The following RTKN variants were observed in gnomAD, a reference collection of about 807,000 sequenced individuals.
RTKN encodes the protein rhotekin.
In RTKN, 49 loss-of-function variants were observed where a neutral mutation model predicts 63.5. The ratio of observed to expected loss-of-function variants is 0.77; its 90% CI spans 0.61 to 0.98. The LOEUF (loss-of-function observed/expected upper bound fraction) is 0.98. Among genes scored for constraint, RTKN ranks in the 50% least tolerant of loss-of-function variants. The pLI is 0.00. For synonymous variants in RTKN, 295 were observed against 290.4 expected, an observed-to-expected ratio of 1.02 and a Z score of -0.16; for missense variants, 685 against 740.8, an observed-to-expected ratio of 0.92 and a Z score of 0.87.
intron 1 of RTKN, chr2:74,439,472 G>A: frequency 2.7e-6 from 4 of 1,503,348 alleles, no homozygotes; most frequent in Non-Finnish European, 3.7e-6. Flanking sequence ...CCACCATGCT[G>A]TAGCAGGAAT....
chr2:74,428,439 C>T (rs749505708), intron 8 of RTKN, 43 bp from the exon 9 acceptor site: 35 of 1,613,814 alleles, frequency 2.2e-5, no homozygotes, highest in Non-Finnish European at 2.6e-5. Context: ...TCACGGCCCC[C>T]AGTATCCCTC....
intron 1 of RTKN, chr2:74,439,529 A>G (rs1223139513): frequency 6.2e-7 from 1 of 1,613,220 alleles, no homozygotes; most frequent in Admixed American, 1.7e-5. Flanking sequence ...GGAGGTGTGT[A>G]CTCCAAGGGT....
chr2:74,426,697 T>C lies in RTKN; in HGVS notation c.1361-123A>G, dbSNP rs570202152. ...AGCAAAGCCTGGATCTCAGTGGAGATTGCGTTATCCTGCAGGAGCAGCCCC... is the reference window on the plus strand; with the variant it reads ...AGCAAAGCCTGGATCTCAGTGGAGACTGCGTTATCCTGCAGGAGCAGCCCC... On this transcript the variant is annotated intron_variant, in intron 11 of 11. Coordinates refer to ENST00000272430, the MANE Select transcript of RTKN (RefSeq NM_001015055.2). 202 of 1,412,712 alleles carry C rather than the reference T, an allele frequency of 1.4e-4. 1 individual carries two copies. The African/African-American group carries it at 2.5e-3, about 18-fold the overall frequency. The allele number at this position is 1,412,712 out of a possible 1,614,324, so 87.5% of individuals were successfully genotyped here.
chr2:74,430,095 G>T (rs924944489), intron 5 of RTKN, 58 bp from the exon 6 acceptor site: 2 of 1,593,696 alleles, frequency 1.3e-6, no homozygotes, highest in African/African-American at 1.3e-5. Context: ...CAGAGGGTAG[G>T]GGATGTGGGT....
At chr2:74,428,142 G>A (rs1670519186) in intron 9 of RTKN, 126 bp downstream of exon 9, 2 of 1,229,738 alleles carry the variant, frequency 1.6e-6, no homozygotes, top group African/African-American at 1.5e-5. Flanking sequence ...GAAGCTGGAT[G>A]TGGCACTGTC....
At chr2:74,432,769 A>G (rs547916461) in intron 1 of RTKN, 103 bp from the exon 2 acceptor site, 3 of 929,662 alleles carry the variant, frequency 3.2e-6, no homozygotes, top group African/African-American at 3.3e-5. Context: ...AACTGACAAG[A>G]AACTAATGTT....
intron 1 of RTKN, among the ~76,000 whole-genome samples, chr2:74,437,337 C>T (rs1226117588): frequency 6.6e-6 from 1 of 152,208 alleles, no homozygotes; most frequent in Non-Finnish European, 1.5e-5. Flanking sequence ...ATTTACTCTT[C>T]CACGACTATC....
chr2:74,427,142 C>G (rs770605083), intron 11 of RTKN, 27 bp downstream of exon 11: 1 of 1,598,746 alleles, frequency 6.3e-7, no homozygotes, highest in South Asian at 1.1e-5. Flanking sequence ...CCATTAGCTT[C>G]CTGGAGTTCA....
intron 2 of RTKN, among the ~76,000 whole-genome samples, chr2:74,431,535 CACCTGTGTG>C (rs1302231382): frequency 2.0e-5 from 3 of 152,362 alleles, no homozygotes; most frequent in African/African-American, 7.2e-5. Flanking sequence ...TACCTCAAAT[CACCTGTGTG>C]GGCTGTGTGA....
chr2:74,435,821 G>A lies in RTKN; in HGVS notation c.112-3155C>T, dbSNP rs866896643. On this transcript the variant is annotated intron_variant, in intron 1 of 11. Transcript: ENST00000272430. Reference sequence around the variant, plus strand: ...TCCAGCCTTCAAGTCTCTCAGACCCGAACACCCTAAATTCCCTCTTCTAAA... The same window carrying A: ...TCCAGCCTTCAAGTCTCTCAGACCCAAACACCCTAAATTCCCTCTTCTAAA... 7.2e-5 allele frequency among the ~76,000 whole-genome samples: 11 copies of A among 152,228 alleles called. 1 individual carries two copies. The South Asian group carries it at 2.3e-3, about 32-fold the overall frequency.
At position 74,435,687 on chromosome 2, in the gene RTKN, C is replaced by G. The variant is rs552508685; in HGVS notation, c.112-3021G>C. On this transcript the variant is annotated intron_variant, in intron 1 of 11. Transcript: ENST00000272430. The stretch of plus-strand genomic sequence containing the variant: ...GTACAGATTGGTTCAGGAGACAAGT[C>G]GAGCCATCCATTTGAAACAGGGGAA... Among the ~76,000 whole-genome samples the G allele has an allele frequency of 4.6e-5, 7 of 152,264 alleles. No individual in the cohort carries two copies. In the South Asian group the frequency reaches 1.5e-3, roughly 32 times the overall value.
chr2:74,429,949 T>G lies in RTKN; in HGVS notation c.634A>C (p.Arg212=). ...GAGCTGCTGAGTTTGGTGGCAAGCC[T>G]CTTGGGGCCGCCAGTCAGGGCCCCC... The part of the protein sequence containing the change: ...EEGALTGGPK[R]LATKLSSSLG... The change falls in exon 6 of 12, where the codon AGG becomes CGG. Residue 212 remains arginine (R), a synonymous_variant. Transcript: ENST00000272430. 1 of 1,614,178 alleles carries G rather than the reference T, an allele frequency of 6.2e-7. No individual in the cohort carries two copies. Among genetic ancestry groups the G allele is most frequent in the Non-Finnish European group, 8.5e-7 (1 of 1,180,018 alleles).
chr2:74,439,410 G>T, intron 1 of RTKN: 1 of 862,598 alleles, frequency 1.2e-6, no homozygotes, highest in Non-Finnish European at 1.9e-6. Flanking sequence ...CCCAACACAA[G>T]GCATAGGGAA....
In RTKN at chr2:74,428,294, G is replaced by A. The variant is rs760646180; in HGVS notation, c.1060C>T (p.Pro354Ser). ...QPEDADTGEE[P>S]LLTIAVNKET... ...TTGTTGACAGCAATAGTAAGCAGCG[G>A]CTCTTCCCCAGTGTCTGCATCCTCA... Residue 354 changes from proline (P) to serine (S), a missense_variant, in exon 9 of 12, where the codon CCG (proline) becomes TCG (serine). Physicochemically the swap from Pro to Ser is moderately conservative, Grantham distance 74. Transcript: ENST00000272430. 1 of 1,614,158 alleles carries A rather than the reference G, an allele frequency of 6.2e-7. No homozygotes were observed. Among genetic ancestry groups the A allele is most frequent in the East Asian group, 2.2e-5 (1 of 44,876 alleles).
Position 74,426,586 on chromosome 2 carries a change from G to C in RTKN, c.1361-12C>G. 3 of 1,523,028 alleles carry C rather than the reference G, an allele frequency of 2.0e-6. No homozygotes were observed. Among genetic ancestry groups the C allele is most frequent in the South Asian group, 1.3e-5 (1 of 77,034 alleles). The allele number at this position is 1,523,028 out of a possible 1,614,324, so 94.3% of individuals were successfully genotyped here. The stretch of plus-strand genomic sequence containing the variant: ...CAGCGGCTCAATAGCTGTGGCACCA[G>C]GAAGGGGTTGGGGGAGGGTTGGGCT... On this transcript the variant is annotated splice_polypyrimidine_tract_variant and intron_variant, in intron 11 of 11. Transcript: ENST00000272430.
chr2:74,426,870 G>T, intron 11 of RTKN: 3 of 1,341,852 alleles, frequency 2.2e-6, no homozygotes, highest in East Asian at 2.9e-5. Context: ...GGCAAGTGAG[G>T]GGTCAGAAGA....
At position 74,441,872 on chromosome 2, in the gene RTKN, G is replaced by C; in HGVS notation, c.-56C>G. ...TGCGCTCCCCGCGCCGCCCGGCTTA[G>C]CCTCCTCTCCTCGGCTTCTGTCTCT... On this transcript the variant is annotated 5_prime_UTR_variant, in exon 1 of 12. Coordinates refer to ENST00000272430, the MANE Select transcript of RTKN (RefSeq NM_001015055.2). 2 of 1,089,298 alleles carry C rather than the reference G, an allele frequency of 1.8e-6. No homozygotes were observed. Among genetic ancestry groups the C allele is most frequent in the South Asian group, 2.7e-5 (2 of 74,934 alleles). 67.5% of individuals were successfully genotyped at this position (1,089,298 alleles called of 1,614,324 possible). A position where few individuals can be genotyped will look rare whatever the true frequency, so the allele number is the denominator to read the frequency against.
At chr2:74,441,303 G>T (rs1486770067) in intron 1 of RTKN, among the ~76,000 whole-genome samples, 1 of 152,346 alleles carries the variant, frequency 6.6e-6, no homozygotes, top group South Asian at 2.1e-4. Flanking sequence ...CAGGTTGTGG[G>T]ATGGGGCTGG....
At chr2:74,435,496 C>T (rs1671007325) in intron 1 of RTKN, among the ~76,000 whole-genome samples, 1 of 152,194 alleles carries the variant, frequency 6.6e-6, no homozygotes, top group African/African-American at 2.4e-5. Flanking sequence ...CAAGGTTGTA[C>T]ATTTAAAATC....
Sources: allele counts gnomAD v4.1 joint callset (sites outside exome capture counted in the v4.1 genomes callset), GRCh38; gene constraint gnomAD v4.1.1; transcripts MANE v1.5; gene names NCBI Gene and HGNC (gene_info 2026-07-23, HGNC 2026-07-21).